Variants in ADAM9 observed in about 807,000 individuals in gnomAD.
ADAM9 encodes ADAM metallopeptidase domain 9.
ADAM9 carries 54 observed loss-of-function variants against 108.1 expected under a neutral mutation model. That is an observed-to-expected ratio of 0.50 (90% CI 0.40 to 0.63). The LOEUF is 0.63. Among genes scored for constraint, ADAM9 ranks in the 20% least tolerant of loss-of-function variants. The pLI is 0.00. For synonymous variants in ADAM9, 316 were observed against 336.0 expected (o/e 0.94, Z 0.65); for missense variants, 830 against 997.7 (o/e 0.83, Z 2.26).
chr8:39,014,125 CTG>C (rs1491227188), intron 4 of ADAM9, 82 bp downstream of exon 4: 2 of 1,110,990 alleles, frequency 1.8e-6, no homozygotes, highest in African/African-American at 3.1e-5. Context: ...GCACTCAGGA[CTG>C]TTACATTGCA....
chr8:39,095,109 T>G (rs1044882424), intron 20 of ADAM9, among the ~76,000 whole-genome samples: 2 of 152,214 alleles, frequency 1.3e-5, no homozygotes, highest in Non-Finnish European at 2.9e-5. Flanking sequence ...GTTGTGTTTC[T>G]ATTTTTGTTG....
At chr8:39,043,082 G>A (rs1837503051) in intron 12 of ADAM9, among the ~76,000 whole-genome samples, 1 of 152,052 alleles carries the variant, frequency 6.6e-6, no homozygotes, top group African/African-American at 2.4e-5. Context: ...CTACGTTATT[G>A]CAATGACAAG....
At chr8:39,071,744 C>T (rs766546766) in intron 15 of ADAM9, among the ~76,000 whole-genome samples, 27 of 152,262 alleles carry the variant, frequency 1.8e-4, no homozygotes, top group Middle Eastern at 3.4e-3. Context: ...GGATTAGAGG[C>T]GTGAGCCACT....
intron 12 of ADAM9, among the ~76,000 whole-genome samples, chr8:39,042,830 C>A (rs1751290973): frequency 6.6e-6 from 1 of 152,134 alleles, no homozygotes; most frequent in South Asian, 2.1e-4. Context: ...ATTGTTAACT[C>A]TGGGTACTGT....
In ADAM9 at chr8:39,072,919, G is replaced by A. The variant is rs563678100; in HGVS notation, c.1697+1516G>A. The stretch of plus-strand genomic sequence containing the variant: ...AAGCCTATTGCTTAATTCCCGAGTA[G>A]TTGGGAATATACTGGTTATCTGTTT... On this transcript the variant is annotated intron_variant, in intron 15 of 21. Transcript: ENST00000487273. 4.6e-5 allele frequency among the ~76,000 whole-genome samples: 7 copies of A among 152,300 alleles called. No homozygotes were observed. In the East Asian group the frequency reaches 1.2e-3, roughly 25 times the overall value.
At position 39,071,149 on chromosome 8, in the gene ADAM9, CAT is replaced by C. The variant is rs1434971434; in HGVS notation, c.1592-148_1592-147del. ...TATGAAATGTGGAACAAAAATGTAT[CAT>C]GTGTGAGGCAGGAAAGGTTTTCCAC... On this transcript the variant is annotated intron_variant, in intron 14 of 21. Transcript: ENST00000487273. 4.8e-5 allele frequency: 30 copies of C among 630,948 alleles called. No individual in the cohort carries two copies. The African/African-American group carries it at 5.0e-4, about 10-fold the overall frequency. 39.1% of individuals were successfully genotyped at this position (630,948 alleles called of 1,614,324 possible).
intron 18 of ADAM9, among the ~76,000 whole-genome samples, chr8:39,087,742 A>AT (rs928419074): frequency 6.1e-4 from 93 of 152,338 alleles, no homozygotes; most frequent in African/African-American, 2.2e-3. Flanking sequence ...TTGTGTACTC[A>AT]TTAGTAAGTA....
chr8:38,997,214 G>A, intron 1 of ADAM9, 54 bp downstream of exon 1: 2 of 1,539,872 alleles, frequency 1.3e-6, no homozygotes, highest in East Asian at 2.4e-5. Flanking sequence ...GGGACGGGGC[G>A]CTCGGAGTGA....
chr8:39,070,698 C>A (rs1838654553), intron 14 of ADAM9, among the ~76,000 whole-genome samples: 1 of 149,020 alleles, frequency 6.7e-6, no homozygotes, highest in Non-Finnish European at 1.5e-5. Flanking sequence ...TTCAAGGTTA[C>A]AGTAAGCTAT....
At chr8:39,019,039 A>T in intron 7 of ADAM9, 121 bp downstream of exon 7, 5 of 1,038,768 alleles carry the variant, frequency 4.8e-6, no homozygotes, top group Non-Finnish European at 7.2e-6. Flanking sequence ...TGATTTTAAA[A>T]CTAAAATGGT....
At chr8:39,022,740 G>A (rs1372732708) in intron 8 of ADAM9, among the ~76,000 whole-genome samples, 1 of 151,882 alleles carries the variant, frequency 6.6e-6, no homozygotes, top group East Asian at 1.9e-4. Context: ...TATGAGATGA[G>A]TCTCGCTCTG....
intron 10 of ADAM9, among the ~76,000 whole-genome samples, 185 bp from the exon 11 acceptor site, chr8:39,026,492 G>T (rs983446878): frequency 1.4e-4 from 22 of 152,184 alleles, no homozygotes; most frequent in African/African-American, 5.1e-4. Context: ...TGTCCATCAC[G>T]TGTGTGATTC....
chr8:39,082,062 C>T (rs1459767846), intron 16 of ADAM9, among the ~76,000 whole-genome samples: 1 of 152,076 alleles, frequency 6.6e-6, no homozygotes, highest in African/African-American at 2.4e-5. Flanking sequence ...ACTAGAATTT[C>T]TTGAACCATG....
At chr8:39,063,465 G>C (rs184285912) in intron 14 of ADAM9, among the ~76,000 whole-genome samples, 1 of 152,338 alleles carries the variant, frequency 6.6e-6, no homozygotes, top group East Asian at 1.9e-4. Context: ...CCAGGCGCCT[G>C]TAATCCCAGC....
chr8:39,013,929 A>C, intron 3 of ADAM9, 36 bp from the exon 4 acceptor site: 1 of 1,505,514 alleles, frequency 6.6e-7, no homozygotes, highest in African/African-American at 1.4e-5. Flanking sequence ...GTAGATAGAT[A>C]ACATATATAT....
Position 38,997,151 on chromosome 8 carries a change from G to GCGCGGCCAGGTGGGTGTC in ADAM9, c.93_97+13dup, listed in dbSNP as rs1835840725. On this transcript the variant is annotated inframe_insertion, in exon 1 of 22. Transcript: ENST00000487273. ...CCTGGTGGGCCCAGTCCTCGGTGCG[G>GCGCGGCCAGGTGGGTGTC]CGCGGCCAGGTGGGTGTCCGCGCCC... 6.3e-7 allele frequency: 1 copy of GCGCGGCCAGGTGGGTGTC among 1,599,326 alleles called. No homozygotes were observed. Among genetic ancestry groups the GCGCGGCCAGGTGGGTGTC allele is most frequent in the Admixed American group, 1.7e-5 (1 of 59,764 alleles).
intron 13 of ADAM9, among the ~76,000 whole-genome samples, chr8:39,055,190 G>C (rs942952715): frequency 3.3e-5 from 5 of 152,066 alleles, no homozygotes; most frequent in African/African-American, 1.2e-4. Context: ...TTCATACTAA[G>C]TTTTTGATAT....
chr8:39,068,650 G>A (rs1023853322), intron 14 of ADAM9, among the ~76,000 whole-genome samples: 2 of 108,766 alleles, frequency 1.8e-5, no homozygotes, highest in East Asian at 3.2e-4. Context: ...ACTCCAGCCC[G>A]AGTGACAAGA....
chr8:39,014,075 AT>A (rs1406660130), intron 4 of ADAM9, 32 bp downstream of exon 4: 1 of 1,559,084 alleles, frequency 6.4e-7, no homozygotes, highest in Non-Finnish European at 8.8e-7. Context: ...CCCATAGCAA[AT>A]TTTAAAACAA....
Sources: gnomAD v4.1 joint callset for allele counts (sites outside exome capture counted in the v4.1 genomes callset) on GRCh38, gnomAD v4.1.1 for gene constraint, MANE v1.5 for transcripts, NCBI Gene and HGNC (gene_info 2026-07-23, HGNC 2026-07-21) for gene names.